Variants in LYPD6B observed in about 807,000 individuals in gnomAD.
The protein encoded by LYPD6B is ly6/PLAUR domain-containing protein 6B.
Under a neutral mutation model 22.8 loss-of-function variants are expected in LYPD6B, and 17 were observed. That is an observed-to-expected ratio of 0.75 (90% CI 0.51 to 1.12). The LOEUF (loss-of-function observed/expected upper bound fraction) is 1.12, where lower values mean the gene tolerates loss of function less well. Ranked by LOEUF, LYPD6B falls within the 50% of genes most tolerant of loss-of-function variation. The pLI is 0.00. For missense variants in LYPD6B, 221 were observed against 258.3 expected, an observed-to-expected ratio of 0.86 and a Z score of 0.99; for synonymous variants, 106 against 91.6, an observed-to-expected ratio of 1.16 and a Z score of -0.90.
intron 4 of LYPD6B, 114 bp from the exon 5 acceptor site, chr2:149,208,200 G>T (rs1224957141): frequency 4.4e-6 from 3 of 688,924 alleles, no homozygotes; most frequent in African/African-American, 1.8e-5. Context: ...TTGTAAGGAT[G>T]AAAGCTTATA....
chr2:149,076,293 G>C (rs957225851), intron 1 of LYPD6B, among the ~76,000 whole-genome samples: 1 of 152,074 alleles, frequency 6.6e-6, no homozygotes, highest in Admixed American at 6.6e-5. Flanking sequence ...TGATCCCTTT[G>C]TATTTGGAAA....
chr2:149,196,109 C>G (rs928310001), intron 3 of LYPD6B, among the ~76,000 whole-genome samples: 17 of 152,122 alleles, frequency 1.1e-4, no homozygotes, highest in African/African-American at 4.1e-4. Flanking sequence ...TTTTCAGTTT[C>G]CAGGGAATAT....
chr2:149,095,799 A>G (rs1685877646), intron 1 of LYPD6B, among the ~76,000 whole-genome samples: 1 of 151,814 alleles, frequency 6.6e-6, no homozygotes, highest in South Asian at 2.1e-4. Flanking sequence ...GAGACAGAGA[A>G]AGAGATGGGA....
intron 1 of LYPD6B, among the ~76,000 whole-genome samples, chr2:149,114,862 C>A (rs559178266): frequency 6.6e-6 from 1 of 152,142 alleles, no homozygotes; most frequent in Non-Finnish European, 1.5e-5. Context: ...TCCTCATTTT[C>A]CCCCTAGTTA....
intron 1 of LYPD6B, among the ~76,000 whole-genome samples, chr2:149,050,771 C>A (rs1683513847): frequency 6.6e-6 from 1 of 152,132 alleles, no homozygotes; most frequent in South Asian, 2.1e-4. Context: ...TTTTATATTT[C>A]TCTTTTTGCC....
chr2:149,108,949 T>G (rs1686628826), intron 1 of LYPD6B, among the ~76,000 whole-genome samples: 1 of 152,164 alleles, frequency 6.6e-6, no homozygotes, highest in African/African-American at 2.4e-5. Flanking sequence ...TCACTTAGAG[T>G]ATAAATTCCT....
Position 149,214,717 on chromosome 2 carries a change from C to T in LYPD6B, c.*7C>T, listed in dbSNP as rs1694087256. 6.2e-7 allele frequency: 1 copy of T among 1,613,742 alleles called. No homozygotes were observed. Reference sequence around the variant, plus strand: ...TGTGCTTCCATTGCTGTGATGCCACCATTCCTAGGAGAGGCAGAGACCAGC... The same window carrying T: ...TGTGCTTCCATTGCTGTGATGCCACTATTCCTAGGAGAGGCAGAGACCAGC... On this transcript the variant is annotated 3_prime_UTR_variant, in exon 7 of 7. Transcript: ENST00000409642.
intron 2 of LYPD6B, among the ~76,000 whole-genome samples, chr2:149,138,856 A>G (rs758060137): frequency 2.6e-5 from 4 of 152,246 alleles, no homozygotes; most frequent in Non-Finnish European, 4.4e-5. Flanking sequence ...GGCCATCAGC[A>G]GAGGACTTTA....
chr2:149,081,851 C>G (rs1047075379), intron 1 of LYPD6B, among the ~76,000 whole-genome samples: 2 of 152,094 alleles, frequency 1.3e-5, no homozygotes, highest in Non-Finnish European at 2.9e-5. Flanking sequence ...TTTTTAGTGT[C>G]TGACTTCTTT....
At chr2:149,161,825 A>T (rs1009058051) in intron 3 of LYPD6B, among the ~76,000 whole-genome samples, 1 of 152,246 alleles carries the variant, frequency 6.6e-6, no homozygotes, top group Non-Finnish European at 1.5e-5. Flanking sequence ...TGTGTTTGTT[A>T]ATGATAATTA....
At chr2:149,131,402 C>G (rs1325277148) in intron 2 of LYPD6B, 1 of 155,354 alleles carries the variant, frequency 6.4e-6, no homozygotes, top group Non-Finnish European at 1.4e-5. Flanking sequence ...TCTAAATAAC[C>G]TCCTTAGTTG....
intron 1 of LYPD6B, among the ~76,000 whole-genome samples, chr2:149,095,958 A>G (rs1450520285): frequency 6.6e-6 from 1 of 152,008 alleles, no homozygotes; most frequent in Non-Finnish European, 1.5e-5. Context: ...AGACACATTC[A>G]GAGAAGAACA....
chr2:149,158,343 G>A (rs1023590229), intron 2 of LYPD6B, among the ~76,000 whole-genome samples: 2 of 152,094 alleles, frequency 1.3e-5, no homozygotes, highest in Non-Finnish European at 2.9e-5. Context: ...GCCATAAAAA[G>A]GAATGATATT....
chr2:149,131,171 A>C, intron 2 of LYPD6B: 1 of 489,882 alleles, frequency 2.0e-6, no homozygotes, highest in Non-Finnish European at 3.6e-6. Flanking sequence ...AACTTTTGAC[A>C]CAAAGCTGTG....
intron 4 of LYPD6B, 65 bp downstream of exon 4, chr2:149,205,469 C>A (rs1480229458): frequency 4.0e-6 from 6 of 1,504,586 alleles, no homozygotes; most frequent in Non-Finnish European, 5.4e-6. Flanking sequence ...ATGAAGCCCC[C>A]TTTTCCATTT....
In LYPD6B at chr2:149,213,137, T is replaced by C. The variant is rs1264509972; in HGVS notation, c.459+15T>C. 2 of 1,612,878 alleles carry C rather than the reference T, an allele frequency of 1.2e-6. No homozygotes were observed. Among genetic ancestry groups the C allele is most frequent in the East Asian group, 4.5e-5 (2 of 44,876 alleles). On this transcript the variant is annotated intron_variant, in intron 6 of 6. Coordinates refer to ENST00000409642, the MANE Select transcript of LYPD6B (RefSeq NM_177964.5). ...CTGAACATACGGTAAGGATCGTGTGTGTGTGTTATTGTCTAAACTTTCATC... is the reference window on the plus strand; with the variant it reads ...CTGAACATACGGTAAGGATCGTGTGCGTGTGTTATTGTCTAAACTTTCATC...
At chr2:149,207,741 T>G (rs2106156809) in intron 4 of LYPD6B, among the ~76,000 whole-genome samples, 1 of 152,294 alleles carries the variant, frequency 6.6e-6, no homozygotes, top group East Asian at 1.9e-4. Context: ...GTACTGGAAG[T>G]GCATATGGAC....
At chr2:149,069,108 A>G (rs1197400839) in intron 1 of LYPD6B, among the ~76,000 whole-genome samples, 1 of 147,720 alleles carries the variant, frequency 6.8e-6, no homozygotes, top group African/African-American at 2.5e-5. Context: ...CAGTTTTGGT[A>G]TAACTTGCAA....
intron 1 of LYPD6B, among the ~76,000 whole-genome samples, chr2:149,067,983 GA>G (rs1684420761): frequency 1.3e-5 from 2 of 152,156 alleles, no homozygotes; most frequent in Non-Finnish European, 2.9e-5. Context: ...GATCTCAACA[GA>G]AAGTCCTGTT....
Sources: allele counts gnomAD v4.1 joint callset (sites outside exome capture counted in the v4.1 genomes callset), GRCh38; gene constraint gnomAD v4.1.1; transcripts MANE v1.5; gene names NCBI Gene and HGNC (gene_info 2026-07-23, HGNC 2026-07-21).